COL24A1: variants seen among roughly 807,000 people sequenced by gnomAD.
The protein encoded by COL24A1 is collagen alpha-1(XXIV) chain.
A neutral mutation model predicts 253.9 loss-of-function variants in COL24A1; 224 were observed. The observed-to-expected ratio is 0.88, with a 90% CI of 0.79 to 0.99. The LOEUF (loss-of-function observed/expected upper bound fraction) is 0.99. COL24A1 is among the 50% of genes least tolerant of loss of function. The pLI, the probability that COL24A1 is intolerant of heterozygous loss-of-function variation, is 0.00. For synonymous variants in COL24A1, 685 were observed against 673.7 expected (o/e 1.02, Z -0.26); for missense variants, 2,131 against 2,068.5 (o/e 1.03, Z -0.59).
Position 85,969,604 on chromosome 1 carries a change from C to CAAA in COL24A1, c.2463+620_2463+622dup, listed in dbSNP as rs61128567. 6.2e-3 allele frequency among the ~76,000 whole-genome samples: 171 copies of CAAA among 27,508 alleles called. 10 individuals are homozygous for CAAA. The highest frequency in any genetic ancestry group is 7.4e-3 in the African/African-American group (49 of 6,634). 18.0% of individuals were successfully genotyped at this position (27,508 alleles called of 152,430 possible). On this transcript the variant is annotated intron_variant, in intron 22 of 59. Coordinates refer to ENST00000370571, the MANE Select transcript of COL24A1 (RefSeq NM_152890.7). ...TGGATGACAGAGTGAGACTCTGTCT[C>CAAA]AAAAAAAAAAAAAAAAAAAAAAAAA...
intron 47 of COL24A1, among the ~76,000 whole-genome samples, chr1:85,806,486 T>C (rs1451097895): frequency 6.6e-6 from 1 of 152,228 alleles, no homozygotes; most frequent in African/African-American, 2.4e-5. Context: ...GTTCTGCTGT[T>C]GTAGTGCAAA....
chr1:86,022,703 A>G (rs1014003298), intron 16 of COL24A1, 112 bp from the exon 17 acceptor site: 9 of 1,307,572 alleles, frequency 6.9e-6, no homozygotes, highest in African/African-American at 1.5e-5. Flanking sequence ...CTTACTTCTG[A>G]GGAAAACTAA....
At chr1:86,057,855 A>C (rs1700774238) in intron 10 of COL24A1, 76 bp downstream of exon 10, 1 of 1,326,696 alleles carries the variant, frequency 7.5e-7, no homozygotes, top group Admixed American at 1.9e-5. Flanking sequence ...AGAGTGTAAA[A>C]ATGCTAAGTG....
intron 24 of COL24A1, among the ~76,000 whole-genome samples, chr1:85,944,990 G>A (rs1487643679): frequency 1.1e-5 from 1 of 90,818 alleles, no homozygotes; most frequent in South Asian, 4.5e-4. Context: ...TCTTAATCCA[G>A]TCTATCATTG....
intron 57 of COL24A1, among the ~76,000 whole-genome samples, chr1:85,741,231 C>T (rs556174403): frequency 4.3e-4 from 66 of 152,102 alleles, no homozygotes; most frequent in South Asian, 3.3e-3. Flanking sequence ...AGTCTGCTTT[C>T]GTTGTCTGCT....
At chr1:85,833,675 A>C (rs548266509) in intron 43 of COL24A1, among the ~76,000 whole-genome samples, 53 of 152,306 alleles carry the variant, frequency 3.5e-4, no homozygotes, top group African/African-American at 1.2e-3. Flanking sequence ...ACGTATGTTT[A>C]TTGTGGCACT....
chr1:85,878,896 C>G (rs530738236), intron 32 of COL24A1, among the ~76,000 whole-genome samples: 44 of 152,230 alleles, frequency 2.9e-4, no homozygotes, highest in African/African-American at 9.9e-4. Flanking sequence ...GGTGTGGTGT[C>G]TGTTCAGATT....
At chr1:85,969,430 C>T (rs1374809967) in intron 22 of COL24A1, among the ~76,000 whole-genome samples, 5 of 151,510 alleles carry the variant, frequency 3.3e-5, no homozygotes, top group Non-Finnish European at 1.5e-5. Flanking sequence ...CATGGTAAAA[C>T]CCCATCTCTA....
chr1:85,792,169 T>G (rs1670340154), intron 47 of COL24A1, among the ~76,000 whole-genome samples: 2 of 152,136 alleles, frequency 1.3e-5, no homozygotes, highest in Non-Finnish European at 2.9e-5. Context: ...CAGAAATATG[T>G]TTTCATATTT....
At chr1:85,834,608 C>G (rs1000729263) in intron 43 of COL24A1, among the ~76,000 whole-genome samples, 2 of 152,122 alleles carry the variant, frequency 1.3e-5, no homozygotes, top group African/African-American at 2.4e-5. Context: ...TGCCAGCCCC[C>G]CTCCGCCCAC....
chr1:86,150,612 T>C lies in COL24A1; in HGVS notation c.57-4429A>G, dbSNP rs573263988. ...CATTTTAGCTTTCTTGTCTCTGAAG[T>C]GGGTACAACAGAGAAAGGATGAAGT... is the stretch of plus-strand genomic sequence containing the variant. On this transcript the variant is annotated intron_variant, in intron 1 of 59. Coordinates refer to ENST00000370571, the MANE Select transcript of COL24A1 (RefSeq NM_152890.7). 3.3e-5 allele frequency among the ~76,000 whole-genome samples: 5 copies of C among 150,588 alleles called. No individual in the cohort carries two copies. In the East Asian group the frequency reaches 1.0e-3, roughly 31 times the overall value.
intron 53 of COL24A1, among the ~76,000 whole-genome samples, chr1:85,767,431 C>T (rs1179269116): frequency 6.6e-6 from 1 of 152,004 alleles, no homozygotes; most frequent in African/African-American, 2.4e-5. Flanking sequence ...CAAGCTTTTC[C>T]ATAAAACAAA....
intron 20 of COL24A1, among the ~76,000 whole-genome samples, chr1:85,984,952 C>G (rs633028): frequency 0.68 from 102,584 of 151,610 alleles, 34,926 homozygotes; most frequent in Admixed American, 0.72. Context: ...TTCCAAAACA[C>G]TTTTTAAATG....
intron 47 of COL24A1, among the ~76,000 whole-genome samples, chr1:85,803,741 G>C (rs751369009): frequency 5.3e-5 from 8 of 152,030 alleles, no homozygotes; most frequent in Non-Finnish European, 1.2e-4. Context: ...GCTAAACTCA[G>C]TTTTCCGTAG....
intron 53 of COL24A1, among the ~76,000 whole-genome samples, chr1:85,772,283 C>T (rs984767763): frequency 2.0e-5 from 3 of 151,374 alleles, no homozygotes; most frequent in African/African-American, 7.3e-5. Flanking sequence ...GTTAGAATGG[C>T]AATCATTAAA....
At chr1:86,079,061 A>T (rs955623096) in intron 7 of COL24A1, among the ~76,000 whole-genome samples, 3 of 152,234 alleles carry the variant, frequency 2.0e-5, no homozygotes, top group African/African-American at 7.2e-5. Flanking sequence ...ATTATACTGC[A>T]GAGCTACAGT....
At chr1:86,077,920 C>T (rs544942163) in intron 7 of COL24A1, among the ~76,000 whole-genome samples, 5 of 152,132 alleles carry the variant, frequency 3.3e-5, no homozygotes, top group African/African-American at 9.6e-5. Context: ...CACTATGGCA[C>T]GTGTATACCT....
At chr1:85,914,819 T>C (rs539874814) in intron 24 of COL24A1, among the ~76,000 whole-genome samples, 14 of 152,342 alleles carry the variant, frequency 9.2e-5, no homozygotes, top group Non-Finnish European at 1.2e-4. Context: ...TCAAGGACTT[T>C]ACATCCTCTT....
At chr1:86,036,505 T>C (rs1484958872) in intron 12 of COL24A1, among the ~76,000 whole-genome samples, 1 of 152,162 alleles carries the variant, frequency 6.6e-6, no homozygotes, top group African/African-American at 2.4e-5. Context: ...ATTAGACACA[T>C]AATATTTTCT....
Sources: gnomAD v4.1 joint callset for allele counts (sites outside exome capture counted in the v4.1 genomes callset) on GRCh38, gnomAD v4.1.1 for gene constraint, MANE v1.5 for transcripts, NCBI Gene and HGNC (gene_info 2026-07-23, HGNC 2026-07-21) for gene names.